Variants in PPP1R1C observed in about 807,000 individuals in gnomAD.
PPP1R1C encodes protein phosphatase 1 regulatory inhibitor subunit 1C.
Under a neutral mutation model 17.4 loss-of-function variants are expected in PPP1R1C, and 15 were observed. The observed-to-expected ratio is 0.86, with a 90% CI of 0.58 to 1.33. The LOEUF is 1.33. Ranked by LOEUF, PPP1R1C falls within the 40% of genes most tolerant of loss-of-function variation. The probability of loss-of-function intolerance (pLI) is 0.00; values close to 1 mark genes in which losing one functional copy is unlikely to be tolerated. For missense variants in PPP1R1C, 143 were observed against 130.0 expected, an observed-to-expected ratio of 1.10 and a Z score of -0.48; for synonymous variants, 35 against 43.1, an observed-to-expected ratio of 0.81 and a Z score of 0.73.
intron 2 of PPP1R1C, among the ~76,000 whole-genome samples, chr2:182,021,989 G>A (rs964700598): frequency 5.9e-5 from 9 of 152,164 alleles, no homozygotes; most frequent in Non-Finnish European, 8.8e-5. Flanking sequence ...TACAATCAGA[G>A]TTAAAAAGCA....
upstream of PPP1R1C, chr2:181,985,841 C>T: frequency 2.0e-6 from 1 of 490,822 alleles, no homozygotes; most frequent in Non-Finnish European, 3.7e-6. This position sits in a 1 kb window ranked among gnomAD's most constrained non-coding sequence, Gnocchi z 4.1. Context: ...TGAAGAGGCA[C>T]ACAATTAGCG....
intron 3 of PPP1R1C, among the ~76,000 whole-genome samples, chr2:182,062,057 T>C (rs1355077767): frequency 6.6e-6 from 1 of 152,080 alleles, no homozygotes; most frequent in East Asian, 1.9e-4. Flanking sequence ...CAGGAGAGCA[T>C]ATAATATAGA....
At chr2:182,122,952 C>T (rs1166572243) in intron 5 of PPP1R1C, among the ~76,000 whole-genome samples, 1 of 152,128 alleles carries the variant, frequency 6.6e-6, no homozygotes, top group Non-Finnish European at 1.5e-5. Context: ...GTTTGCTGCA[C>T]CCATCAACCT....
intron 4 of PPP1R1C, among the ~76,000 whole-genome samples, chr2:182,103,227 C>A (rs1036517004): frequency 6.6e-6 from 1 of 152,172 alleles, no homozygotes; most frequent in Admixed American, 6.5e-5. Context: ...AAATTAAACA[C>A]TTTTTCCCCT....
intron 2 of PPP1R1C, among the ~76,000 whole-genome samples, chr2:182,033,551 C>G (rs1443574696): frequency 1.3e-5 from 2 of 152,124 alleles, no homozygotes; most frequent in Non-Finnish European, 2.9e-5. Flanking sequence ...CCCATTTTGT[C>G]TCTTAAAATA....
At chr2:182,053,774 TTTATTTTA>T (rs946116150) in intron 2 of PPP1R1C, among the ~76,000 whole-genome samples, 4 of 150,906 alleles carry the variant, frequency 2.7e-5, no homozygotes, top group African/African-American at 7.3e-5. Flanking sequence ...TATTTATTTA[TTTATTTTA>T]TTTATTTATT....
intron 5 of PPP1R1C, among the ~76,000 whole-genome samples, chr2:182,127,584 A>G (rs993324930): frequency 6.6e-6 from 1 of 152,100 alleles, no homozygotes; most frequent in African/African-American, 2.4e-5. Flanking sequence ...GGTCGGTCCA[A>G]GTAGAAAGAA....
intron 2 of PPP1R1C, among the ~76,000 whole-genome samples, chr2:182,033,743 C>G (rs1354631619): frequency 1.3e-5 from 2 of 152,120 alleles, no homozygotes; most frequent in Non-Finnish European, 2.9e-5. Context: ...ATTTATGAAG[C>G]CCTTCAAAAA....
chr2:182,057,812 ACT>A, intron 2 of PPP1R1C, among the ~76,000 whole-genome samples: 1 of 151,900 alleles, frequency 6.6e-6, no homozygotes, highest in Non-Finnish European at 1.5e-5. Context: ...TCTAATCATG[ACT>A]CTCTGTTGCT....
downstream of PPP1R1C, among the ~76,000 whole-genome samples, chr2:182,118,345 G>A (rs1424770441): frequency 6.6e-6 from 1 of 151,864 alleles, no homozygotes; most frequent in Admixed American, 6.6e-5. Flanking sequence ...TTAAAATTCT[G>A]GGCATTTTGA....
intron 4 of PPP1R1C, among the ~76,000 whole-genome samples, chr2:182,115,942 T>C (rs1689567938): frequency 6.6e-6 from 1 of 152,140 alleles, no homozygotes. Flanking sequence ...AATAAACTAA[T>C]TTTATAAGGT....
At position 182,094,382 on chromosome 2, in the gene PPP1R1C, A is replaced by G. The variant is rs1396149435; in HGVS notation, c.242-22825A>G. Among the ~76,000 whole-genome samples, 4 of 152,242 alleles carry G rather than the reference A, an allele frequency of 2.6e-5. No homozygotes were observed. The South Asian group carries it at 8.3e-4, about 31-fold the overall frequency. On this transcript the variant is annotated intron_variant, in intron 4 of 4. Coordinates refer to ENST00000682840, the MANE Select transcript of PPP1R1C (RefSeq NM_001080545.3). ...GGGTGGGAACACAGAGCCATACCAT[A>G]TCAGAGAGATTTCAAATATACTGAA...
intron 4 of PPP1R1C, among the ~76,000 whole-genome samples, chr2:182,074,187 G>C (rs556092707): frequency 6.6e-6 from 1 of 151,774 alleles, no homozygotes; most frequent in Non-Finnish European, 1.5e-5. Flanking sequence ...GACTACAGGC[G>C]CCCGCCATCA....
At chr2:182,122,634 C>A (rs970359350), downstream of PPP1R1C, among the ~76,000 whole-genome samples, 1 of 151,584 alleles carries the variant, frequency 6.6e-6, no homozygotes, top group African/African-American at 2.4e-5. Context: ...CCCATTTCAA[C>A]AGATGCATAT....
At chr2:182,060,404 CT>C (rs1354269838) in intron 2 of PPP1R1C, among the ~76,000 whole-genome samples, 1 of 151,962 alleles carries the variant, frequency 6.6e-6, no homozygotes, top group Non-Finnish European at 1.5e-5. Flanking sequence ...GTATACACTG[CT>C]TTTTTGTTGC....
intron 3 of PPP1R1C, 63 bp from the exon 4 acceptor site, chr2:182,063,668 G>T (rs1334027742): frequency 1.8e-5 from 22 of 1,246,238 alleles, no homozygotes; most frequent in East Asian, 6.9e-5. Flanking sequence ...TCCCTCACAG[G>T]TCTGATGGCA....
chr2:182,125,057 T>G (rs1252634857), intron 5 of PPP1R1C, among the ~76,000 whole-genome samples: 1 of 152,162 alleles, frequency 6.6e-6, no homozygotes, highest in African/African-American at 2.4e-5. Flanking sequence ...CTCTTATTAT[T>G]TTGAGATAAG....
At chr2:182,099,315 G>A (rs1689032880) in intron 4 of PPP1R1C, among the ~76,000 whole-genome samples, 1 of 152,184 alleles carries the variant, frequency 6.6e-6, no homozygotes, top group African/African-American at 2.4e-5. Context: ...GAAGCAGAAG[G>A]GAATCGACTT....
intron 2 of PPP1R1C, among the ~76,000 whole-genome samples, chr2:182,042,188 T>C (rs1687206289): frequency 6.6e-6 from 1 of 152,180 alleles, no homozygotes; most frequent in Non-Finnish European, 1.5e-5. Context: ...CTCTACTTAT[T>C]TGGTAAAATT....
Sources: gnomAD v4.1 joint callset for allele counts (sites outside exome capture counted in the v4.1 genomes callset) on GRCh38, gnomAD v4.1.1 for gene constraint, Gnocchi (gnomAD v3.1) non-coding constraint, MANE v1.5 for transcripts, NCBI Gene and HGNC (gene_info 2026-07-23, HGNC 2026-07-21) for gene names.